NETO1: variants seen among roughly 807,000 people sequenced by gnomAD.
NETO1 encodes the protein neuropilin and tolloid-like protein 1.
Under a neutral mutation model 61.3 loss-of-function variants are expected in NETO1, and 26 were observed. The ratio of observed to expected loss-of-function variants is 0.42; its 90% CI spans 0.31 to 0.59. NETO1 has a LOEUF of 0.59. Among genes scored for constraint, NETO1 ranks in the 20% least tolerant of loss-of-function variants. The probability of loss-of-function intolerance (pLI) is 0.12; values close to 1 mark genes in which losing one functional copy is unlikely to be tolerated. For synonymous variants in NETO1, 225 were observed against 225.8 expected (o/e 1.00, Z 0.03); for missense variants, 531 against 662.8 (o/e 0.80, Z 2.18).
At chr18:72,742,620 C>A (rs529703844), downstream of NETO1, 1 of 152,100 alleles carries the variant, frequency 6.6e-6, no homozygotes, top group African/African-American at 2.4e-5. Flanking sequence ...TTCAGCAGTA[C>A]GTACTATGTT....
In NETO1 at chr18:72,846,504, C is replaced by CAAAAAAAAAAAAAAAAAA. The variant is rs35252443; in HGVS notation, c.469+12304_469+12321dup. 1.5e-3 allele frequency among the ~76,000 whole-genome samples: 19 copies of CAAAAAAAAAAAAAAAAAA among 13,000 alleles called. 7 individuals are homozygous for CAAAAAAAAAAAAAAAAAA. Among genetic ancestry groups the CAAAAAAAAAAAAAAAAAA allele is most frequent in the Admixed American group, 3.3e-3 (2 of 602 alleles). The allele number at this position is 13,000 out of a possible 152,430, so 8.5% of individuals were successfully genotyped here. ...TGGGCAATGGAGTGAGACTTCATCTCAAAAAAAAAAAAAAAAAAAAAAAAA... is the reference window on the plus strand; with the variant it reads ...TGGGCAATGGAGTGAGACTTCATCTCAAAAAAAAAAAAAAAAAAAAAAAAAAAAAAAAAAAAAAAAAAA... On this transcript the variant is annotated intron_variant, in intron 4 of 10. Coordinates refer to ENST00000327305, the MANE Select transcript of NETO1 (RefSeq NM_138966.5).
chr18:72,775,026 G>T (rs982514063), intron 7 of NETO1, among the ~76,000 whole-genome samples: 3 of 152,144 alleles, frequency 2.0e-5, no homozygotes, highest in South Asian at 2.1e-4. Context: ...GCAAAAAAAT[G>T]AAGTTTAGCT....
chr18:72,865,693 T>A, intron 1 of NETO1: 1 of 1,547,028 alleles, frequency 6.5e-7, no homozygotes, highest in Non-Finnish European at 8.7e-7. Context: ...TACTGCAGTG[T>A]GGCTGTATTT....
At chr18:72,758,890 A>T (rs1169123139) in intron 7 of NETO1, among the ~76,000 whole-genome samples, 1 of 152,116 alleles carries the variant, frequency 6.6e-6, no homozygotes, top group Non-Finnish European at 1.5e-5. Context: ...AATGTATAAA[A>T]TTGTACATAC....
intron 4 of NETO1, among the ~76,000 whole-genome samples, chr18:72,840,829 G>C (rs147344239): frequency 6.6e-6 from 1 of 152,104 alleles, no homozygotes; most frequent in Non-Finnish European, 1.5e-5. Flanking sequence ...GATCACAATA[G>C]TACAGTAAAG....
intron 4 of NETO1, among the ~76,000 whole-genome samples, chr18:72,840,546 A>G (rs972742479): frequency 1.3e-5 from 2 of 152,218 alleles, no homozygotes; most frequent in African/African-American, 4.8e-5. Flanking sequence ...AAAGATCTTA[A>G]AAAGCCTGTT....
At chr18:72,784,548 G>T (rs770787588) in intron 6 of NETO1, among the ~76,000 whole-genome samples, 2 of 152,104 alleles carry the variant, frequency 1.3e-5, no homozygotes, top group Non-Finnish European at 2.9e-5. Context: ...TGCTTTATAT[G>T]TTATTTTGTA....
At chr18:72,803,870 ATC>A (rs1331590495) in intron 4 of NETO1, among the ~76,000 whole-genome samples, 5 of 151,898 alleles carry the variant, frequency 3.3e-5, no homozygotes, top group African/African-American at 4.8e-5. Context: ...CTACATATAT[ATC>A]TCTGTTAGAC....
chr18:72,849,704 C>T (rs1373096026), intron 4 of NETO1, among the ~76,000 whole-genome samples: 1 of 152,236 alleles, frequency 6.6e-6, no homozygotes, highest in African/African-American at 2.4e-5. Flanking sequence ...AACTTAGAAC[C>T]TTAATAAACA....
intron 7 of NETO1, among the ~76,000 whole-genome samples, chr18:72,772,817 CTCTCTCTCTATATATATATATATATA>C (rs1191339181): frequency 0.033 from 1,799 of 54,298 alleles, 70 homozygotes; most frequent in Admixed American, 0.068. Context: ...CTCTCTCTCT[CTCTCTCTCTATATATATATATATATA>C]TATATATATA....
chr18:72,754,655 C>T (rs1300865942), intron 8 of NETO1, among the ~76,000 whole-genome samples: 2 of 151,978 alleles, frequency 1.3e-5, no homozygotes, highest in African/African-American at 4.8e-5. Flanking sequence ...ATTTAGCACC[C>T]AAGCTTAAAA....
chr18:72,852,223 G>GTTTC (rs1166577941), intron 4 of NETO1, among the ~76,000 whole-genome samples: 2 of 152,184 alleles, frequency 1.3e-5, no homozygotes, highest in East Asian at 3.9e-4. Flanking sequence ...TTGTTTGTTT[G>GTTTC]TTTCTTTTTG....
chr18:72,840,745 G>A (rs1464205902), intron 4 of NETO1, among the ~76,000 whole-genome samples: 1 of 152,206 alleles, frequency 6.6e-6, no homozygotes, highest in African/African-American at 2.4e-5. Context: ...GTAAGGTGAA[G>A]TAGGGTAAAT....
rs373740412 is a variant in NETO1, at chr18:72,850,269, C to T, written c.469+8557G>A. On this transcript the variant is annotated intron_variant, in intron 4 of 10. Coordinates refer to ENST00000327305, the MANE Select transcript of NETO1 (RefSeq NM_138966.5). ...AGTGTTAGCATAGTGGATCAATAAACAGTTGTTAAATAAGTGTAGGTGGCT... is the reference window on the plus strand; with the variant it reads ...AGTGTTAGCATAGTGGATCAATAAATAGTTGTTAAATAAGTGTAGGTGGCT... Among the ~76,000 whole-genome samples, 4 of 151,696 alleles carry T rather than the reference C, an allele frequency of 2.6e-5. No individual in the cohort carries two copies. The East Asian group carries it at 5.8e-4, about 22-fold the overall frequency.
chr18:72,824,663 A>T (rs2073316965), intron 4 of NETO1, among the ~76,000 whole-genome samples: 1 of 151,930 alleles, frequency 6.6e-6, no homozygotes, highest in Non-Finnish European at 1.5e-5. Context: ...TCAGGAGTTC[A>T]GAAACAGCCT....
intron 4 of NETO1, among the ~76,000 whole-genome samples, chr18:72,854,496 T>C (rs954863076): frequency 5.3e-5 from 8 of 151,758 alleles, no homozygotes; most frequent in African/African-American, 2.0e-4. Context: ...AAGATACCTG[T>C]CATTAAAGAG....
At chr18:72,866,095 C>G (rs2074724873) in intron 1 of NETO1, among the ~76,000 whole-genome samples, 1 of 152,172 alleles carries the variant, frequency 6.6e-6, no homozygotes, top group Non-Finnish European at 1.5e-5. Flanking sequence ...AGACAAAACA[C>G]TAGCAAAATA....
chr18:72,819,531 G>A (rs973869552), intron 4 of NETO1, among the ~76,000 whole-genome samples: 2 of 152,100 alleles, frequency 1.3e-5, no homozygotes, highest in African/African-American at 4.8e-5. Flanking sequence ...TAGTCATCAA[G>A]CATTTAATTA....
At position 72,856,484 on chromosome 18, in the gene NETO1, G is replaced by C. The variant is rs932693715; in HGVS notation, c.469+2342C>G. ...AAAACTAATAAAAACAACAGCTATC[G>C]ATAGTTGAGTTCTTACAGGCACTCA... On this transcript the variant is annotated intron_variant, in intron 4 of 10. Coordinates refer to ENST00000327305, the MANE Select transcript of NETO1 (RefSeq NM_138966.5). Among the ~76,000 whole-genome samples, 4 of 152,160 alleles carry C rather than the reference G, an allele frequency of 2.6e-5. 1 individual carries two copies. The South Asian group carries it at 8.3e-4, about 32-fold the overall frequency.
Sources: gnomAD v4.1 joint callset for allele counts (sites outside exome capture counted in the v4.1 genomes callset) on GRCh38, gnomAD v4.1.1 for gene constraint, MANE v1.5 for transcripts, NCBI Gene and HGNC (gene_info 2026-07-23, HGNC 2026-07-21) for gene names.